CECR2: variants seen among roughly 807,000 people sequenced by gnomAD.
The protein encoded by CECR2 is chromatin remodeling regulator CECR2.
A neutral mutation model predicts 154.5 loss-of-function variants in CECR2; 30 were observed. That is an observed-to-expected ratio of 0.19 (90% CI 0.15 to 0.26). The LOEUF (loss-of-function observed/expected upper bound fraction) is 0.26, where lower values mean the gene tolerates loss of function less well. Among genes scored for constraint, CECR2 ranks in the 10% least tolerant of loss-of-function variants. CECR2 has a pLI of 1.00. For synonymous variants in CECR2, 725 were observed against 683.7 expected (o/e 1.06, Z -0.94); for missense variants, 1,743 against 1,829.3 (o/e 0.95, Z 0.86).
At chr22:17,520,294 G>A (rs2056134717) in intron 8 of CECR2, among the ~76,000 whole-genome samples, 1 of 152,062 alleles carries the variant, frequency 6.6e-6, no homozygotes, top group Non-Finnish European at 1.5e-5. Context: ...TAACTTTCAT[G>A]TTTGATATAT....
chr22:17,503,737 A>G (rs1387611136), intron 6 of CECR2, among the ~76,000 whole-genome samples: 1 of 152,166 alleles, frequency 6.6e-6, no homozygotes, highest in East Asian at 1.9e-4. Flanking sequence ...AACCAGAAGT[A>G]TACATTGTCA....
At position 17,552,774 on chromosome 22, in the gene CECR2, G is replaced by GTTTTTTTTTTTTT. The variant is rs695569; in HGVS notation, c.4390-60_4390-48dup. 1,079 of 941,836 alleles carry GTTTTTTTTTTTTT rather than the reference G, an allele frequency of 1.1e-3. 13 individuals carry two copies. Among genetic ancestry groups the GTTTTTTTTTTTTT allele is most frequent in the African/African-American group, 6.8e-3 (295 of 43,232 alleles). 58.3% of individuals were successfully genotyped at this position (941,836 alleles called of 1,614,324 possible). A position where few individuals can be genotyped will look rare whatever the true frequency, so the allele number is the denominator to read the frequency against. On this transcript the variant is annotated intron_variant, in intron 18 of 18. Coordinates refer to ENST00000262608, the MANE Select transcript of CECR2 (RefSeq NM_001290047.2). ...CTTGGACATTCTTTGGCTTACTTAA[G>GTTTTTTTTTTTTT]TTTTTTTTTTTTTAACAACCCAATT...
rs752084298 is a variant in CECR2 at position 17,538,536 on chromosome 22, G to C, written c.1255G>C (p.Asp419His). The change falls in exon 11 of 19, where the codon GAT becomes CAT. Residue 419 changes from aspartate (D) to histidine (H), a missense_variant. By Grantham distance (81) the Asp-to-His change is moderately conservative. Transcript: ENST00000262608. ...GATTTACAGCTTTGAGTTGGATGATGATTTCACTGCTATGTATAAAGGTTA... is the reference window on the plus strand; with the variant it reads ...GATTTACAGCTTTGAGTTGGATGATCATTTCACTGCTATGTATAAAGGTTA... ...KTKDLFELDD[D>H]FTAMYKVLDV... The C allele has an allele frequency of 6.2e-7, 1 of 1,613,870 alleles. No individual in the cohort carries two copies. The highest frequency in any genetic ancestry group is 2.2e-5 in the East Asian group (1 of 44,876).
At chr22:17,456,940 T>A (rs1174996575) in intron 1 of CECR2, among the ~76,000 whole-genome samples, 1 of 152,248 alleles carries the variant, frequency 6.6e-6, no homozygotes, top group African/African-American at 2.4e-5. Context: ...GGGTAGAGTT[T>A]CATGTAGTAC....
intron 10 of CECR2, among the ~76,000 whole-genome samples, chr22:17,538,257 A>G (rs2056467453): frequency 6.6e-6 from 1 of 152,188 alleles, no homozygotes; most frequent in African/African-American, 2.4e-5. Context: ...AATAACTAAC[A>G]TTCTAGAACC....
intron 13 of CECR2, 74 bp downstream of exon 13, chr22:17,539,193 A>C: frequency 6.6e-7 from 1 of 1,520,910 alleles, no homozygotes; most frequent in Non-Finnish European, 9.0e-7. Context: ...TTACAAATAC[A>C]CATCCTAGTG....
intron 2 of CECR2, among the ~76,000 whole-genome samples, chr22:17,482,103 A>G (rs1476313408): frequency 9.4e-6 from 1 of 106,744 alleles, no homozygotes; most frequent in Non-Finnish European, 1.8e-5. Context: ...TGACAGATCG[A>G]GACTCTGTCT....
intron 1 of CECR2, among the ~76,000 whole-genome samples, chr22:17,456,434 T>A (rs1479128761): frequency 6.6e-6 from 1 of 152,192 alleles, no homozygotes; most frequent in African/African-American, 2.4e-5. Flanking sequence ...CTCAAAGTGA[T>A]CTACTTTTCA....
chr22:17,370,952 T>G (rs1442877101), intron 1 of CECR2, among the ~76,000 whole-genome samples: 1 of 152,342 alleles, frequency 6.6e-6, no homozygotes, highest in East Asian at 1.9e-4. Context: ...CGTTGGTCAG[T>G]TTTTGTTTTC....
intron 1 of CECR2, among the ~76,000 whole-genome samples, chr22:17,414,678 C>T (rs112530582): frequency 0.021 from 3,187 of 151,248 alleles, 93 homozygotes; most frequent in East Asian, 0.12. Flanking sequence ...CCCCACCCCA[C>T]GACTGGCCCT....
At chr22:17,456,183 T>C (rs2146715654) in intron 1 of CECR2, among the ~76,000 whole-genome samples, 1 of 152,342 alleles carries the variant, frequency 6.6e-6, no homozygotes, top group Non-Finnish European at 1.5e-5. Flanking sequence ...GTACCATTGA[T>C]AAAAATACTA....
chr22:17,550,255 C>T (rs1024381385), intron 17 of CECR2: 3 of 169,426 alleles, frequency 1.8e-5, no homozygotes, highest in African/African-American at 4.8e-5. Flanking sequence ...TCAAGCGATT[C>T]TCCTGCCTCA....
chr22:17,550,534 A>G (rs1601213341), intron 17 of CECR2: 1 of 152,792 alleles, frequency 6.5e-6, no homozygotes, highest in African/African-American at 2.4e-5. Flanking sequence ...GTTTATCCAG[A>G]ATGCAAACAA....
chr22:17,417,111 A>G (rs1344399311), intron 1 of CECR2, among the ~76,000 whole-genome samples: 1 of 151,484 alleles, frequency 6.6e-6, no homozygotes, highest in African/African-American at 2.4e-5. Context: ...ACCCTCGTTA[A>G]TTCTTGAAGA....
intron 1 of CECR2, among the ~76,000 whole-genome samples, chr22:17,392,316 C>A (rs1440712677): frequency 6.6e-6 from 1 of 152,032 alleles, no homozygotes; most frequent in Admixed American, 6.5e-5. Context: ...CATGGCGAAA[C>A]CCTGTCTCTA....
intron 1 of CECR2, among the ~76,000 whole-genome samples, chr22:17,437,143 T>C (rs1487787426): frequency 3.9e-5 from 6 of 152,022 alleles, no homozygotes; most frequent in Admixed American, 3.3e-4. Context: ...TCTGCTCGAG[T>C]GTTAGTGCCA....
In CECR2 at chr22:17,480,459, C is replaced by CACACAGAGAG. The variant is rs373106595; in HGVS notation, c.221+2778_221+2779insCACAGAGAGA. ...ACACACACACACACACACACACACA[C>CACACAGAGAG]AGAGAAAAGTGCTCATTTCCTAATT... On this transcript the variant is annotated intron_variant, in intron 2 of 18. Coordinates refer to ENST00000262608, the MANE Select transcript of CECR2 (RefSeq NM_001290047.2). Among the ~76,000 whole-genome samples the CACACAGAGAG allele has an allele frequency of 1.1e-3, 157 of 143,842 alleles. 1 individual carries two copies. The highest frequency in any genetic ancestry group is 3.0e-3 in the African/African-American group (116 of 38,754). The allele number at this position is 143,842 out of a possible 152,430, so 94.4% of individuals were successfully genotyped here. A position where few individuals can be genotyped will look rare whatever the true frequency, so the allele number is the denominator to read the frequency against.
intron 16 of CECR2, among the ~76,000 whole-genome samples, chr22:17,545,065 T>C (rs1279152248): frequency 1.3e-5 from 2 of 151,968 alleles, no homozygotes; most frequent in Non-Finnish European, 2.9e-5. Context: ...TAGCAAATCT[T>C]GAAGCAGTTT....
At chr22:17,404,253 T>G (rs2053941020) in intron 1 of CECR2, among the ~76,000 whole-genome samples, 1 of 130,456 alleles carries the variant, frequency 7.7e-6, no homozygotes, top group South Asian at 2.9e-4. Flanking sequence ...TGCGAGACTC[T>G]GTCCCCATCC....
Sources: gnomAD v4.1 joint callset for allele counts (sites outside exome capture counted in the v4.1 genomes callset) on GRCh38, gnomAD v4.1.1 for gene constraint, MANE v1.5 for transcripts, NCBI Gene and HGNC (gene_info 2026-07-23, HGNC 2026-07-21) for gene names.